Variants in APP observed in about 807,000 individuals in gnomAD.
The protein encoded by APP is amyloid beta precursor protein, also known as amyloid-beta precursor protein.
In APP, 31 loss-of-function variants were observed where a neutral mutation model predicts 101.4. That is an observed-to-expected ratio of 0.31 (90% CI 0.23 to 0.41). The LOEUF is 0.41. APP is among the 10% of genes least tolerant of loss of function. The pLI is 1.00. For missense variants in APP, 839 were observed against 1,003.7 expected, an observed-to-expected ratio of 0.84 and a Z score of 2.22; for synonymous variants, 366 against 364.4, an observed-to-expected ratio of 1.00 and a Z score of -0.05.
At chr21:26,115,727 C>A (rs1261501129) in intron 1 of APP, among the ~76,000 whole-genome samples, 1 of 152,058 alleles carries the variant, frequency 6.6e-6, no homozygotes, top group Non-Finnish European at 1.5e-5. Context: ...TTTTAAGATT[C>A]AATTTACCTG....
rs557967452 is a variant in APP at position 26,127,077 on chromosome 21, C to T, written c.58-14931G>A. Among the ~76,000 whole-genome samples, 297 of 152,042 alleles carry T rather than the reference C, an allele frequency of 2.0e-3. 1 individual carries two copies. The highest frequency in any genetic ancestry group is 3.9e-3 in the Admixed American group (60 of 15,270). Reference sequence around the variant, plus strand: ...TCAACTCAAGATTACAGAAGATTGCCCCATAATTATTTCATATAAAATGAT... The same window carrying T: ...TCAACTCAAGATTACAGAAGATTGCTCCATAATTATTTCATATAAAATGAT... On this transcript the variant is annotated intron_variant, in intron 1 of 17. Coordinates refer to ENST00000346798, the MANE Select transcript of APP (RefSeq NM_000484.4).
chr21:26,039,783 G>A (rs1355086637), intron 5 of APP, among the ~76,000 whole-genome samples: 1 of 151,488 alleles, frequency 6.6e-6, no homozygotes, highest in East Asian at 1.9e-4. Context: ...TAGATCTGAA[G>A]GAAGCACTTA....
chr21:26,022,910 G>A (rs959496256), intron 5 of APP, among the ~76,000 whole-genome samples: 1 of 147,094 alleles, frequency 6.8e-6, no homozygotes, highest in East Asian at 2.1e-4. Flanking sequence ...AACTCACACA[G>A]GTGGAAGATG....
At chr21:26,015,875 C>T (rs2044033583) in intron 6 of APP, among the ~76,000 whole-genome samples, 1 of 152,196 alleles carries the variant, frequency 6.6e-6, no homozygotes, top group Non-Finnish European at 1.5e-5. Context: ...CTCAACTCTA[C>T]TTCCAAAACA....
At chr21:26,040,206 T>C (rs1295800279) in intron 5 of APP, among the ~76,000 whole-genome samples, 1 of 152,222 alleles carries the variant, frequency 6.6e-6, no homozygotes, top group Admixed American at 6.5e-5. Context: ...TTTGCTGTCA[T>C]GTCAGTGCTC....
chr21:26,147,750 T>A (rs1039205806), intron 1 of APP, among the ~76,000 whole-genome samples: 1 of 151,808 alleles, frequency 6.6e-6, no homozygotes, highest in Non-Finnish European at 1.5e-5. Context: ...GTGGGTGTGA[T>A]AGGATCACAC....
chr21:26,104,607 G>A (rs1308909654), intron 2 of APP, among the ~76,000 whole-genome samples: 2 of 151,770 alleles, frequency 1.3e-5, no homozygotes, highest in Non-Finnish European at 2.9e-5. Context: ...CCAAAACCTG[G>A]ATCAAAGAAT....
rs536057711 is a variant in APP at position 26,141,990 on chromosome 21, C to A, written c.57+28574G>T. 4.6e-5 allele frequency among the ~76,000 whole-genome samples: 7 copies of A among 152,260 alleles called. No individual in the cohort carries two copies. The South Asian group carries it at 1.4e-3, about 32-fold the overall frequency. On this transcript the variant is annotated intron_variant, in intron 1 of 17. Coordinates refer to ENST00000346798, the MANE Select transcript of APP (RefSeq NM_000484.4). ...TCTGTATGGCTGCAAGGAGCCAGGG[C>A]CATGTGTGGTGCCTAGCCACACTAT...
intron 5 of APP, among the ~76,000 whole-genome samples, chr21:26,023,636 G>C (rs1054815893): frequency 2.6e-5 from 4 of 152,186 alleles, no homozygotes; most frequent in Non-Finnish European, 2.9e-5. Context: ...CCAGGAGTTC[G>C]AGGCTGCTGT....
chr21:25,896,897 A>G (rs2038086600), intron 16 of APP, among the ~76,000 whole-genome samples: 1 of 152,200 alleles, frequency 6.6e-6, no homozygotes, highest in Non-Finnish European at 1.5e-5. Flanking sequence ...GAATGGGTAA[A>G]GGAAGACAGT....
intron 14 of APP, 45 bp downstream of exon 14, chr21:25,911,696 A>G (rs1030829777): frequency 6.5e-7 from 1 of 1,546,600 alleles, no homozygotes; most frequent in Non-Finnish European, 8.9e-7. Flanking sequence ...ATGTATGTGT[A>G]TATATACCTC....
intron 3 of APP, among the ~76,000 whole-genome samples, chr21:26,084,449 C>G (rs1304489219): frequency 6.6e-6 from 1 of 152,052 alleles, no homozygotes; most frequent in Non-Finnish European, 1.5e-5. Flanking sequence ...CGTTGTTAGC[C>G]AAGACAGTCT....
At chr21:26,168,134 T>C (rs992869070) in intron 1 of APP, among the ~76,000 whole-genome samples, 2 of 152,156 alleles carry the variant, frequency 1.3e-5, no homozygotes, top group Non-Finnish European at 2.9e-5. Flanking sequence ...TAGTGAAACA[T>C]CATATAGATT....
intron 9 of APP, among the ~76,000 whole-genome samples, chr21:25,980,659 CAA>C (rs2042394302): frequency 9.9e-5 from 1 of 10,090 alleles, no homozygotes; most frequent in African/African-American, 4.7e-4. Context: ...CATCTTAAGG[CAA>C]AACAAACAAA....
chr21:26,107,643 G>A (rs996997551), intron 2 of APP, among the ~76,000 whole-genome samples: 1 of 152,180 alleles, frequency 6.6e-6, no homozygotes, highest in Non-Finnish European at 1.5e-5. Context: ...AATTCCCCAA[G>A]GTGCTTTCCT....
rs564923009 is a variant in APP, at chr21:25,996,174, T to C, written c.1090+1186A>G. Among the ~76,000 whole-genome samples, 7 of 152,254 alleles carry C rather than the reference T, an allele frequency of 4.6e-5. No individual in the cohort carries two copies. In the South Asian group the frequency reaches 8.3e-4, roughly 18 times the overall value. On this transcript the variant is annotated intron_variant, in intron 8 of 17. Transcript: ENST00000346798. ...TTACAACTGAAATAAAAACAAAACATAAGACACTGTAAGTAAGGCCTGCAG... is the reference window on the plus strand; with the variant it reads ...TTACAACTGAAATAAAAACAAAACACAAGACACTGTAAGTAAGGCCTGCAG...
At chr21:25,928,896 A>G (rs571127067) in intron 13 of APP, 10 of 144,374 alleles carry the variant, frequency 6.9e-5, no homozygotes, top group Non-Finnish European at 1.2e-4. Context: ...TAGTTTTTGT[A>G]TTTTTAGTAG....
At chr21:25,966,695 G>T (rs540115584) in intron 11 of APP, among the ~76,000 whole-genome samples, 1 of 152,138 alleles carries the variant, frequency 6.6e-6, no homozygotes, top group African/African-American at 2.4e-5. Context: ...CTTTTGCAAC[G>T]AAAAGTGATG....
chr21:26,005,624 T>C (rs925700308), intron 6 of APP, among the ~76,000 whole-genome samples: 14 of 152,162 alleles, frequency 9.2e-5, no homozygotes, highest in Non-Finnish European at 1.8e-4. Context: ...TTTAGAGCAC[T>C]GAGACCTGAA....
Sources: gnomAD v4.1 joint callset for allele counts (sites outside exome capture counted in the v4.1 genomes callset) on GRCh38, gnomAD v4.1.1 for gene constraint, MANE v1.5 for transcripts, NCBI Gene and HGNC (gene_info 2026-07-23, HGNC 2026-07-21) for gene names.